PCDH19: variants seen among roughly 807,000 people sequenced by gnomAD.
The protein encoded by PCDH19 is protocadherin 19, also known as protocadherin-19.
A neutral mutation model predicts 46.2 loss-of-function variants in PCDH19; 6 were observed. The observed-to-expected ratio is 0.13, with a 90% confidence interval of 0.07 to 0.26. PCDH19 has a LOEUF of 0.26. Ranked by LOEUF, PCDH19 falls within the 10% of genes least tolerant of loss-of-function variation. The pLI, the probability that PCDH19 is intolerant of heterozygous loss-of-function variation, is 1.00. For synonymous variants in PCDH19, 481 were observed against 415.7 expected (o/e 1.16, Z -1.91); for missense variants, 740 against 972.3 (o/e 0.76, Z 3.18).
chrX:100,302,130 A>G, intron 5 of PCDH19, among the ~76,000 whole-genome samples: 1 of 111,932 alleles, frequency 8.9e-6, no homozygotes, highest in Non-Finnish European at 1.9e-5. Context: ...GATAGAAGCC[A>G]TGTGCCTGTG....
chrX:100,333,860 G>C (rs1483460393), intron 5 of PCDH19, among the ~76,000 whole-genome samples: 2 of 104,286 alleles, frequency 1.9e-5, no homozygotes, highest in African/African-American at 7.1e-5. Context: ...TACAATCTCA[G>C]CTCACTGCAA....
At chrX:100,394,621 T>C (rs1440725503) in intron 3 of PCDH19, among the ~76,000 whole-genome samples, 1 of 112,173 alleles carries the variant, frequency 8.9e-6, no homozygotes, top group South Asian at 3.7e-4. Flanking sequence ...GATGGGAAGA[T>C]GGCAGCTGTC....
At position 100,350,639 on chromosome X, in the gene PCDH19, A is replaced by G. The variant is rs1926541351; in HGVS notation, c.2675+7T>C. ...AGTTGCAGCAATAAGCAAGCAAACC[A>G]ACATACCTCTTGATTAAATGGGCTC... On this transcript the variant is annotated splice_region_variant and intron_variant, in intron 4 of 5. Coordinates refer to ENST00000373034, the MANE Select transcript of PCDH19 (RefSeq NM_001184880.2). 5 of 1,164,028 alleles carry G rather than the reference A, an allele frequency of 4.3e-6. No individual in the cohort carries two copies. The highest frequency in any genetic ancestry group is 5.9e-6 in the Non-Finnish European group (5 of 852,865).
intron 2 of PCDH19, among the ~76,000 whole-genome samples, chrX:100,403,115 G>C (rs1460653453): frequency 5.4e-5 from 6 of 111,362 alleles, no homozygotes; most frequent in African/African-American, 1.3e-4. Context: ...TTTTCATTGT[G>C]AGTGGCCTGT....
At chrX:100,377,034 G>T (rs2147513374) in intron 3 of PCDH19, among the ~76,000 whole-genome samples, 1 of 112,387 alleles carries the variant, frequency 8.9e-6, no homozygotes, top group East Asian at 2.8e-4. Flanking sequence ...ATACAACAGA[G>T]ATAGATCCTA....
Position 100,339,415 on chromosome X carries a change from C to A in PCDH19, c.2848+2488G>T, listed in dbSNP as rs1429822727. ...CCTTTGAAGCAACAATACCATGTTA[C>A]CCTGGGACAATCTAACTAAAATGGC... On this transcript the variant is annotated intron_variant, in intron 5 of 5. Transcript: ENST00000373034. Among the ~76,000 whole-genome samples, 6 of 112,169 alleles carry A rather than the reference C, an allele frequency of 5.3e-5. No individual in the cohort carries two copies. In the Admixed American group the frequency reaches 5.7e-4, roughly 11 times the overall value.
chrX:100,370,720 T>C (rs1927191843), intron 3 of PCDH19, among the ~76,000 whole-genome samples: 1 of 111,956 alleles, frequency 8.9e-6, no homozygotes, highest in South Asian at 3.7e-4. Context: ...TGTAGGAGAA[T>C]AATATAATAT....
rs781373314 is a variant in PCDH19, at chrX:100,380,368, ACT to A, written c.2616+22154_2616+22155del. Among the ~76,000 whole-genome samples the A allele has an allele frequency of 2.7e-5, 3 of 110,511 alleles. No individual in the cohort carries two copies. In the East Asian group the frequency reaches 8.6e-4, roughly 32 times the overall value. ...AGACTAGGTTGAGTTTCCCCATTTT[ACT>A]CTTTCATAATAATATGCTCTTTTCT... On this transcript the variant is annotated intron_variant, in intron 3 of 5. Transcript: ENST00000373034.
rs757890501 is a variant in PCDH19 at position 100,317,104 on chromosome X, C to T, written c.2849-20229G>A. On this transcript the variant is annotated intron_variant, in intron 5 of 5. Coordinates refer to ENST00000373034, the MANE Select transcript of PCDH19 (RefSeq NM_001184880.2). ...TATAATACAGTATAATTAACTACAG[C>T]TGCCCCATCTTCACTTCTGACTCTA... 6.3e-5 allele frequency among the ~76,000 whole-genome samples: 7 copies of T among 111,657 alleles called. No homozygotes were observed. In the East Asian group the frequency reaches 2.0e-3, roughly 32 times the overall value.
At chrX:100,320,700 T>A (rs893409048) in intron 5 of PCDH19, among the ~76,000 whole-genome samples, 4 of 110,035 alleles carry the variant, frequency 3.6e-5, no homozygotes, top group Non-Finnish European at 7.6e-5. Flanking sequence ...ACAGCCCAGA[T>A]CAGTGGAAAT....
At chrX:100,306,626 C>T (rs1924953357) in intron 5 of PCDH19, among the ~76,000 whole-genome samples, 3 of 108,595 alleles carry the variant, frequency 2.8e-5, no homozygotes, top group South Asian at 4.1e-4. Context: ...GAAACAAAAA[C>T]CTGGTTCTTT....
chrX:100,376,610 T>C (rs1452809739), intron 3 of PCDH19, among the ~76,000 whole-genome samples: 2 of 112,224 alleles, frequency 1.8e-5, no homozygotes, highest in Non-Finnish European at 3.8e-5. Context: ...AATTTGGCAT[T>C]AATGAAGTGC....
intron 3 of PCDH19, among the ~76,000 whole-genome samples, chrX:100,363,528 T>C (rs1602608833): frequency 9.5e-6 from 1 of 105,621 alleles, no homozygotes; most frequent in Admixed American, 1.0e-4. Flanking sequence ...GGTTTCCTAC[T>C]AGGATATTTT....
chrX:100,296,901 T>C, intron 5 of PCDH19, 26 bp from the exon 6 acceptor site: 1 of 1,139,209 alleles, frequency 8.8e-7, no homozygotes, highest in African/African-American at 1.8e-5. Flanking sequence ...AAAATATCAA[T>C]TTCATCAGCT....
intron 5 of PCDH19, among the ~76,000 whole-genome samples, chrX:100,317,805 G>A (rs917300981): frequency 9.9e-5 from 11 of 111,284 alleles, no homozygotes; most frequent in Admixed American, 4.8e-4. Flanking sequence ...AGCTCTGAAG[G>A]TAGAGAAAAG....
intron 4 of PCDH19, among the ~76,000 whole-genome samples, chrX:100,344,792 T>A (rs778699354): frequency 2.0e-5 from 2 of 102,352 alleles, no homozygotes; most frequent in South Asian, 9.9e-4. Context: ...AATCCTTTGT[T>A]GTGGCCGTCC....
At chrX:100,365,189 A>G (rs1384964610) in intron 3 of PCDH19, among the ~76,000 whole-genome samples, 1 of 111,349 alleles carries the variant, frequency 9.0e-6, no homozygotes, top group Non-Finnish European at 1.9e-5. Flanking sequence ...CAGTCTGCAG[A>G]TGTATATAGG....
At chrX:100,305,581 T>C (rs1315249455) in intron 5 of PCDH19, among the ~76,000 whole-genome samples, 3 of 111,892 alleles carry the variant, frequency 2.7e-5, no homozygotes, top group African/African-American at 9.7e-5. Context: ...ATACTAATGT[T>C]GAATGTAAAT....
intron 5 of PCDH19, among the ~76,000 whole-genome samples, chrX:100,313,857 TCACACACACA>T (rs3222341): frequency 7.7e-4 from 59 of 76,277 alleles, no homozygotes; most frequent in East Asian, 1.5e-3. Context: ...CTGCTGTTAA[TCACACACACA>T]CACACACACA....
Sources: allele counts gnomAD v4.1 joint callset (sites outside exome capture counted in the v4.1 genomes callset), GRCh38; gene constraint gnomAD v4.1.1; transcripts MANE v1.5; gene names NCBI Gene and HGNC (gene_info 2026-07-23, HGNC 2026-07-21).